Variants in TMOD2 observed in about 807,000 individuals in gnomAD.
TMOD2 encodes tropomodulin-2.
In TMOD2, 22 loss-of-function variants were observed where a neutral mutation model predicts 39.9. The ratio of observed to expected loss-of-function variants is 0.55; its 90% CI spans 0.39 to 0.79. The LOEUF (loss-of-function observed/expected upper bound fraction) is 0.79, where lower values mean the gene tolerates loss of function less well. TMOD2 is among the 30% of genes least tolerant of loss of function. TMOD2 has a pLI of 0.00. For synonymous variants in TMOD2, 123 were observed against 146.1 expected, an observed-to-expected ratio of 0.84 and a Z score of 1.14; for missense variants, 386 against 413.3, an observed-to-expected ratio of 0.93 and a Z score of 0.57.
At position 51,812,232 on chromosome 15, in the gene TMOD2, G is replaced by A. The variant is rs891950908; in HGVS notation, c.*3778G>A. 1.3e-5 allele frequency: 2 copies of A among 152,176 alleles called. No individual in the cohort carries two copies. Among genetic ancestry groups the A allele is most frequent in the Non-Finnish European group, 2.9e-5 (2 of 68,036 alleles). 9.4% of individuals were successfully genotyped at this position (152,176 alleles called of 1,614,324 possible). On this transcript the variant is annotated 3_prime_UTR_variant, in exon 10 of 10. Transcript: ENST00000249700. ...TTAAAAACTCAGAAATCATCCCAGT[G>A]CCTGTACTCCTCAAACCAATTTCCC... is the stretch of plus-strand genomic sequence containing the variant.
chr15:51,808,465 G>A lies in TMOD2; in HGVS notation c.*11G>A, dbSNP rs1422696886. The stretch of plus-strand genomic sequence containing the variant: ...GCAGACCGAAGGTAAACTTCCTTGA[G>A]GAGAAGTGAAGTTTCACTGTGGTAT... On this transcript the variant is annotated 3_prime_UTR_variant, in exon 10 of 10. Coordinates refer to ENST00000249700, the MANE Select transcript of TMOD2 (RefSeq NM_014548.4). 2 of 1,610,418 alleles carry A rather than the reference G, an allele frequency of 1.2e-6. No homozygotes were observed. Among genetic ancestry groups the A allele is most frequent in the Non-Finnish European group, 1.7e-6 (2 of 1,177,858 alleles).
At chr15:51,795,573 GCTTGCTTTCTTTCTTTCTTTCTTTCTTT>G (rs1392594199) in intron 7 of TMOD2, among the ~76,000 whole-genome samples, 6 of 33,932 alleles carry the variant, frequency 1.8e-4, no homozygotes, top group Admixed American at 4.4e-4. Flanking sequence ...CTGCTTGCTT[GCTTGCTTTCTTTCTTTCTTTCTTTCTTT>G]CTTTCTTTCT....
At chr15:51,779,010 G>A (rs1017242374) in intron 5 of TMOD2, among the ~76,000 whole-genome samples, 9 of 152,026 alleles carry the variant, frequency 5.9e-5, no homozygotes, top group African/African-American at 1.9e-4. Flanking sequence ...AGGCTGGAGT[G>A]CAATGGTGCA....
intron 1 of TMOD2, among the ~76,000 whole-genome samples, chr15:51,764,087 A>G (rs1206195113): frequency 4.8e-5 from 2 of 41,898 alleles, no homozygotes; most frequent in East Asian, 1.0e-3. Flanking sequence ...TAAAGATTTA[A>G]AAAAAAAAAA....
At chr15:51,753,918 A>G (rs2055724771) in intron 1 of TMOD2, among the ~76,000 whole-genome samples, 1 of 152,200 alleles carries the variant, frequency 6.6e-6, no homozygotes, top group South Asian at 2.1e-4. Flanking sequence ...GGAAGTCAAT[A>G]AAATAAATAA....
At chr15:51,783,524 G>A (rs949919475) in intron 7 of TMOD2, 1 of 151,864 alleles carries the variant, frequency 6.6e-6, no homozygotes, top group Non-Finnish European at 1.5e-5. Context: ...TCTTTGAAAT[G>A]GATTAATATG....
Position 51,810,338 on chromosome 15 carries a change from C to T in TMOD2, c.*1884C>T, listed in dbSNP as rs2056147996. 1 of 152,068 alleles carries T rather than the reference C, an allele frequency of 6.6e-6. No individual in the cohort carries two copies. The highest frequency in any genetic ancestry group is 1.5e-5 in the Non-Finnish European group (1 of 68,020). The allele number at this position is 152,068 out of a possible 1,614,324, so 9.4% of individuals were successfully genotyped here. A position where few individuals can be genotyped will look rare whatever the true frequency, so the allele number is the denominator to read the frequency against. On this transcript the variant is annotated 3_prime_UTR_variant, in exon 10 of 10. Transcript: ENST00000249700. ...GGACAGAAGTAACAAATACTGTACTCAAAAATCTTACATTTTACTATTTTC... is the reference window on the plus strand; with the variant it reads ...GGACAGAAGTAACAAATACTGTACTTAAAAATCTTACATTTTACTATTTTC...
At chr15:51,782,962 G>A in intron 7 of TMOD2, 134 bp downstream of exon 7, 1 of 694,446 alleles carries the variant, frequency 1.4e-6, no homozygotes, top group Non-Finnish European at 2.4e-6. Context: ...CAAAATTATA[G>A]TTACAATGCA....
At chr15:51,792,732 G>T (rs2056021087) in intron 7 of TMOD2, among the ~76,000 whole-genome samples, 1 of 152,146 alleles carries the variant, frequency 6.6e-6, no homozygotes, top group African/African-American at 2.4e-5. Flanking sequence ...AATGAAGCTG[G>T]AAACTATCAT....
chr15:51,782,857 G>A, intron 7 of TMOD2, 29 bp downstream of exon 7: 1 of 1,579,014 alleles, frequency 6.3e-7, no homozygotes, highest in Non-Finnish European at 8.7e-7. Context: ...AATATAACAT[G>A]AAGTTATTTA....
intron 1 of TMOD2, among the ~76,000 whole-genome samples, chr15:51,755,080 T>A (rs553605734): frequency 6.6e-6 from 1 of 152,324 alleles, no homozygotes; most frequent in South Asian, 2.1e-4. Context: ...ATCCTAAATT[T>A]CCTAACTTTC....
chr15:51,795,428 C>CAAA (rs35847443), intron 7 of TMOD2, among the ~76,000 whole-genome samples: 1 of 104,536 alleles, frequency 9.6e-6, no homozygotes, highest in Non-Finnish European at 2.1e-5. Context: ...GACTTTGTCT[C>CAAA]AAAAAAAAAA....
At chr15:51,791,200 A>T (rs570130806) in intron 7 of TMOD2, among the ~76,000 whole-genome samples, 2 of 152,200 alleles carry the variant, frequency 1.3e-5, no homozygotes, top group South Asian at 2.1e-4. Context: ...AAACATTTCT[A>T]TACACCAAGA....
At chr15:51,772,904 C>G (rs2055862853) in intron 3 of TMOD2, among the ~76,000 whole-genome samples, 1 of 152,132 alleles carries the variant, frequency 6.6e-6, no homozygotes. Context: ...GGCAAGTATA[C>G]AAATAGAAGC....
chr15:51,761,466 C>T (rs1390847652), intron 1 of TMOD2, among the ~76,000 whole-genome samples: 4 of 152,144 alleles, frequency 2.6e-5, no homozygotes, highest in Non-Finnish European at 4.4e-5. Context: ...GTGGCTCATG[C>T]CTGTAATTCC....
At chr15:51,790,802 C>T (rs760827297) in intron 7 of TMOD2, among the ~76,000 whole-genome samples, 2 of 152,202 alleles carry the variant, frequency 1.3e-5, no homozygotes, top group Non-Finnish European at 2.9e-5. Context: ...CAAAATTCAA[C>T]AGCCTTTCAT....
intron 6 of TMOD2, among the ~76,000 whole-genome samples, chr15:51,781,840 G>GTGTA (rs2055933277): frequency 6.6e-6 from 1 of 152,116 alleles, no homozygotes; most frequent in South Asian, 2.1e-4. Flanking sequence ...GTGTGTGTGT[G>GTGTA]TGTAAACATT....
intron 8 of TMOD2, among the ~76,000 whole-genome samples, chr15:51,799,876 C>A (rs1307418937): frequency 1.3e-5 from 2 of 152,102 alleles, no homozygotes; most frequent in Non-Finnish European, 2.9e-5. Context: ...GAAGTGGATA[C>A]CCTGTTCCAA....
At chr15:51,769,439 C>A (rs1377379672) in intron 3 of TMOD2, among the ~76,000 whole-genome samples, 4 of 152,168 alleles carry the variant, frequency 2.6e-5, no homozygotes, top group Non-Finnish European at 5.9e-5. Context: ...TGGCCAGATG[C>A]TAGAACCACA....
Sources: gnomAD v4.1 joint callset for allele counts (sites outside exome capture counted in the v4.1 genomes callset) on GRCh38, gnomAD v4.1.1 for gene constraint, MANE v1.5 for transcripts, NCBI Gene and HGNC (gene_info 2026-07-23, HGNC 2026-07-21) for gene names.